The following NELL1 variants were observed in gnomAD, a reference collection of about 807,000 sequenced individuals.
NELL1 encodes protein kinase C-binding protein NELL1.
In NELL1, 76 loss-of-function variants were observed where a neutral mutation model predicts 107.4. The observed-to-expected ratio is 0.71, with a 90% CI of 0.59 to 0.86. NELL1 has a LOEUF of 0.86. NELL1 is among the 40% of genes least tolerant of loss of function. The probability of loss-of-function intolerance (pLI) is 0.00; values close to 1 mark genes in which losing one functional copy is unlikely to be tolerated. For synonymous variants in NELL1, 353 were observed against 341.2 expected, an observed-to-expected ratio of 1.03 and a Z score of -0.38; for missense variants, 1,024 against 1,005.5, an observed-to-expected ratio of 1.02 and a Z score of -0.25.
At chr11:20,766,806 A>G (rs189791) in intron 2 of NELL1, among the ~76,000 whole-genome samples, 100,279 of 151,404 alleles carry the variant, frequency 0.66, 33,354 homozygotes, top group Middle Eastern at 0.77. Flanking sequence ...GCAGTGGCAC[A>G]ATCTTGGCTT....
intron 12 of NELL1, among the ~76,000 whole-genome samples, chr11:21,054,152 T>G (rs1184188546): frequency 6.6e-6 from 1 of 152,066 alleles, no homozygotes; most frequent in African/African-American, 2.4e-5. Context: ...ACTCTTCCAA[T>G]TTCTGCCTGT....
chr11:21,269,409 G>A (rs1019732973), intron 14 of NELL1, among the ~76,000 whole-genome samples: 4 of 149,842 alleles, frequency 2.7e-5, no homozygotes, highest in Non-Finnish European at 5.9e-5. Context: ...TATCCTATTC[G>A]AACTGCAGAA....
chr11:21,528,007 C>T (rs776532330), intron 15 of NELL1, among the ~76,000 whole-genome samples: 2 of 152,150 alleles, frequency 1.3e-5, no homozygotes, highest in Non-Finnish European at 2.9e-5. Context: ...AGGAACAATA[C>T]TTTGCATCCT....
At chr11:20,985,347 C>T (rs563588652) in intron 12 of NELL1, among the ~76,000 whole-genome samples, 249 of 152,248 alleles carry the variant, frequency 1.6e-3, no homozygotes, top group Non-Finnish European at 3.0e-3. Flanking sequence ...ACAGTTAGTA[C>T]TCAATAAAAT....
intron 12 of NELL1, among the ~76,000 whole-genome samples, chr11:21,051,279 C>G (rs1853486388): frequency 6.6e-6 from 1 of 152,110 alleles, no homozygotes; most frequent in East Asian, 1.9e-4. Flanking sequence ...TGAAGTAACT[C>G]AGGAATGGAA....
At chr11:20,800,070 G>A (rs1857251496) in intron 3 of NELL1, among the ~76,000 whole-genome samples, 1 of 152,136 alleles carries the variant, frequency 6.6e-6, no homozygotes. Context: ...AGTATCCCAT[G>A]GTGTATACGT....
intron 5 of NELL1, among the ~76,000 whole-genome samples, chr11:20,911,352 A>G (rs549813637): frequency 4.6e-5 from 7 of 152,294 alleles, no homozygotes; most frequent in Non-Finnish European, 1.0e-4. Flanking sequence ...AAATCCTACT[A>G]AGTTAGTGAT....
intron 12 of NELL1, among the ~76,000 whole-genome samples, chr11:21,028,126 C>T (rs548564579): frequency 2.0e-5 from 3 of 152,264 alleles, no homozygotes; most frequent in African/African-American, 7.2e-5. Context: ...TACCCACACC[C>T]TAGAAGCCAT....
chr11:20,771,921 A>G (rs1856648765), intron 2 of NELL1, among the ~76,000 whole-genome samples: 1 of 152,236 alleles, frequency 6.6e-6, no homozygotes, highest in South Asian at 2.1e-4. Flanking sequence ...TTTGCATATT[A>G]AAATCACTGT....
intron 5 of NELL1, among the ~76,000 whole-genome samples, chr11:20,887,039 G>C (rs911304216): frequency 1.8e-4 from 28 of 151,936 alleles, no homozygotes; most frequent in African/African-American, 6.8e-4. Context: ...AGCAACCACT[G>C]GTCTGTTTTC....
At chr11:21,280,919 A>G (rs1342182341) in intron 14 of NELL1, among the ~76,000 whole-genome samples, 2 of 152,054 alleles carry the variant, frequency 1.3e-5, no homozygotes. Context: ...CTAGTCCTGA[A>G]CTGGACTCAG....
At chr11:21,541,230 C>G (rs1856285702) in intron 16 of NELL1, among the ~76,000 whole-genome samples, 1 of 152,078 alleles carries the variant, frequency 6.6e-6, no homozygotes, top group African/African-American at 2.4e-5. Context: ...GACTGAATAC[C>G]TGTTGGCCTT....
At chr11:21,250,626 C>A (rs534645311) in intron 14 of NELL1, among the ~76,000 whole-genome samples, 12 of 152,128 alleles carry the variant, frequency 7.9e-5, no homozygotes, top group Non-Finnish European at 1.6e-4. Context: ...AAGAGTCAAC[C>A]TTTGGGTAAG....
chr11:21,418,229 A>C (rs1852568055), intron 15 of NELL1, among the ~76,000 whole-genome samples: 1 of 152,094 alleles, frequency 6.6e-6, no homozygotes, highest in Non-Finnish European at 1.5e-5. Flanking sequence ...GGTAGAAGAC[A>C]TGAAGCTGTC....
chr11:20,963,845 G>T (rs11025837), intron 12 of NELL1, among the ~76,000 whole-genome samples: 2,456 of 152,182 alleles, frequency 0.016, 44 homozygotes, highest in Middle Eastern at 0.041. Context: ...TACACACATT[G>T]TCCAGGCCAT....
At chr11:20,755,220 C>A (rs7101392) in intron 2 of NELL1, among the ~76,000 whole-genome samples, 1,891 of 152,214 alleles carry the variant, frequency 0.012, 34 homozygotes, top group African/African-American at 0.043. Flanking sequence ...AAAAACCCAG[C>A]TCATTTTGAC....
At chr11:21,182,582 A>G (rs1158556566) in intron 13 of NELL1, among the ~76,000 whole-genome samples, 1 of 151,936 alleles carries the variant, frequency 6.6e-6, no homozygotes, top group Non-Finnish European at 1.5e-5. Flanking sequence ...TAATACGAAA[A>G]GAGCATAAAG....
chr11:21,417,287 C>T (rs1022021990), intron 15 of NELL1, among the ~76,000 whole-genome samples: 32 of 151,832 alleles, frequency 2.1e-4, no homozygotes, highest in Non-Finnish European at 3.8e-4. Context: ...TGCAGTATAC[C>T]ATATCCCAGT....
intron 1 of NELL1, among the ~76,000 whole-genome samples, chr11:20,672,304 G>A (rs913331516): frequency 2.6e-5 from 4 of 152,186 alleles, no homozygotes; most frequent in African/African-American, 9.7e-5. Flanking sequence ...TGTCAAGTGG[G>A]ACAATTGTTG....
Sources: allele counts gnomAD v4.1 joint callset (sites outside exome capture counted in the v4.1 genomes callset), GRCh38; gene constraint gnomAD v4.1.1; transcripts MANE v1.5; gene names NCBI Gene and HGNC (gene_info 2026-07-23, HGNC 2026-07-21).